The following PPHLN1 variants were observed in gnomAD, a reference collection of about 807,000 sequenced individuals.
PPHLN1 encodes the protein periphilin 1.
In PPHLN1, 29 loss-of-function variants were observed where a neutral mutation model predicts 51.3. The ratio of observed to expected loss-of-function variants is 0.57; its 90% confidence interval spans 0.42 to 0.77. The LOEUF (loss-of-function observed/expected upper bound fraction) is 0.77. Among genes scored for constraint, PPHLN1 ranks in the 30% least tolerant of loss-of-function variants. The probability of loss-of-function intolerance (pLI) is 0.00; values close to 1 mark genes in which losing one functional copy is unlikely to be tolerated. For synonymous variants in PPHLN1, 147 were observed against 147.8 expected, an observed-to-expected ratio of 0.99 and a Z score of 0.04; for missense variants, 436 against 438.4, an observed-to-expected ratio of 0.99 and a Z score of 0.05.
chr12:42,441,193 T>C, intron 9 of PPHLN1, 122 bp from the exon 10 acceptor site: 1 of 1,328,314 alleles, frequency 7.5e-7, no homozygotes, highest in African/African-American at 1.5e-5. Context: ...CGAGAAAGGT[T>C]CCGCTTTCTT....
chr12:42,387,293 C>G, intron 6 of PPHLN1, 163 bp from the exon 7 acceptor site: 1 of 692,698 alleles, frequency 1.4e-6, no homozygotes, highest in Non-Finnish European at 2.2e-6. Flanking sequence ...TGCTTAGCCT[C>G]TGAGAGGTAG....
downstream of PPHLN1, chr12:42,446,883 T>A: frequency 2.5e-6 from 1 of 405,990 alleles, no homozygotes; most frequent in East Asian, 3.5e-5. Flanking sequence ...TTTATCTAGA[T>A]AAGTTTGTTT....
intron 9 of PPHLN1, among the ~76,000 whole-genome samples, chr12:42,411,593 G>A (rs2079832545): frequency 6.6e-6 from 1 of 152,172 alleles, no homozygotes; most frequent in Non-Finnish European, 1.5e-5. Context: ...ACCAAGCAGT[G>A]TATATTGTAT....
intron 4 of PPHLN1, among the ~76,000 whole-genome samples, chr12:42,367,765 G>A (rs1001238223): frequency 3.3e-5 from 5 of 152,014 alleles, no homozygotes; most frequent in South Asian, 4.2e-4. Context: ...ACAGAGTCTC[G>A]CTCTGTTCCT....
intron 2 of PPHLN1, among the ~76,000 whole-genome samples, chr12:42,336,223 A>G (rs899857291): frequency 3.9e-5 from 6 of 152,358 alleles, no homozygotes; most frequent in Non-Finnish European, 7.3e-5. Flanking sequence ...TATTGAATTT[A>G]ATTTGTGAAC....
At chr12:42,446,202 A>C, downstream of PPHLN1, 1 of 1,612,786 alleles carries the variant, frequency 6.2e-7, no homozygotes, top group African/African-American at 1.3e-5. Flanking sequence ...CAGGAGGCTG[A>C]GAGGATCCTG....
chr12:42,428,125 A>T (rs1196692130), intron 9 of PPHLN1, among the ~76,000 whole-genome samples: 1 of 152,226 alleles, frequency 6.6e-6, no homozygotes, highest in Non-Finnish European at 1.5e-5. Flanking sequence ...TTTGGCATGG[A>T]TGTGGTGAAG....
chr12:42,335,220 C>T (rs1000710721), intron 1 of PPHLN1, among the ~76,000 whole-genome samples: 3 of 151,988 alleles, frequency 2.0e-5, no homozygotes, highest in African/African-American at 7.3e-5. Flanking sequence ...GTCCCACCCC[C>T]CCCTTCTCTG....
intron 4 of PPHLN1, among the ~76,000 whole-genome samples, chr12:42,357,069 CAA>C (rs1461859885): frequency 6.6e-6 from 1 of 151,982 alleles, no homozygotes; most frequent in Non-Finnish European, 1.5e-5. Context: ...ATAAACTCAC[CAA>C]AAGAGTATGA....
intron 7 of PPHLN1, among the ~76,000 whole-genome samples, chr12:42,388,069 A>G (rs1287319122): frequency 6.6e-6 from 1 of 152,200 alleles, no homozygotes; most frequent in South Asian, 2.1e-4. Context: ...GTTTCTCCCC[A>G]TGTGACAGTC....
At chr12:42,405,098 A>G (rs2079176636) in intron 9 of PPHLN1, among the ~76,000 whole-genome samples, 3 of 152,098 alleles carry the variant, frequency 2.0e-5, no homozygotes, top group Non-Finnish European at 4.4e-5. Flanking sequence ...CACATTTTTC[A>G]TTTGGCTTGC....
chr12:42,438,741 A>T (rs2406969), intron 9 of PPHLN1, among the ~76,000 whole-genome samples: 42,587 of 151,996 alleles, frequency 0.28, 7,325 homozygotes, highest in Non-Finnish European at 0.38. Flanking sequence ...AGCTGGGATT[A>T]CAGGCATGCG....
At chr12:42,369,959 A>G (rs772681337) in intron 4 of PPHLN1, among the ~76,000 whole-genome samples, 21 of 152,158 alleles carry the variant, frequency 1.4e-4, no homozygotes, top group Admixed American at 6.6e-5. Flanking sequence ...ATTTAATGCC[A>G]TGTTTAACTC....
chr12:42,371,203 C>T (rs1449662876), intron 4 of PPHLN1, among the ~76,000 whole-genome samples: 2 of 148,934 alleles, frequency 1.3e-5, no homozygotes, highest in African/African-American at 2.5e-5. Flanking sequence ...TCACGGCAGC[C>T]TCTCCTGTGG....
intron 8 of PPHLN1, among the ~76,000 whole-genome samples, chr12:42,395,106 G>T (rs1473693358): frequency 6.6e-6 from 1 of 151,850 alleles, no homozygotes; most frequent in Non-Finnish European, 1.5e-5. Flanking sequence ...CTCATTTCTT[G>T]AATGCATCTT....
At chr12:42,330,260 C>T (rs912724592) in intron 1 of PPHLN1, among the ~76,000 whole-genome samples, 1 of 152,184 alleles carries the variant, frequency 6.6e-6, no homozygotes. Flanking sequence ...CGAGACATTC[C>T]GTTTCCAGGG....
intron 4 of PPHLN1, among the ~76,000 whole-genome samples, chr12:42,364,049 C>T (rs2075001585): frequency 6.6e-6 from 1 of 151,796 alleles, no homozygotes; most frequent in South Asian, 2.1e-4. Flanking sequence ...CATGGCAAAA[C>T]CCTGTCTCTA....
intron 9 of PPHLN1, among the ~76,000 whole-genome samples, chr12:42,418,092 A>G (rs1176269843): frequency 1.3e-5 from 2 of 150,900 alleles, no homozygotes; most frequent in African/African-American, 4.9e-5. Context: ...GGCCCCTGCC[A>G]CCAAGCCCAG....
chr12:42,326,379 G>A (rs2137554321), intron 1 of PPHLN1, 150 bp downstream of exon 1: 1 of 152,364 alleles, frequency 6.6e-6, no homozygotes, highest in African/African-American at 2.4e-5. Context: ...TGAGGGTGGA[G>A]AGACGCAGTG....
Sources: allele counts gnomAD v4.1 joint callset (sites outside exome capture counted in the v4.1 genomes callset), GRCh38; gene constraint gnomAD v4.1.1; transcripts MANE v1.5; gene names NCBI Gene and HGNC (gene_info 2026-07-23, HGNC 2026-07-21).